The following DNMT3B variants were observed in gnomAD, a reference collection of about 807,000 sequenced individuals.
DNMT3B encodes DNA methyltransferase 3 beta, also known as DNA (cytosine-5)-methyltransferase 3B.
A neutral mutation model predicts 120.2 loss-of-function variants in DNMT3B; 37 were observed. That is an observed-to-expected ratio of 0.31 (90% CI 0.24 to 0.40). The LOEUF is 0.40. DNMT3B is among the 10% of genes least tolerant of loss of function. DNMT3B has a pLI of 1.00. For missense variants in DNMT3B, 878 were observed against 1,137.3 expected (o/e 0.77, Z 3.28); for synonymous variants, 412 against 442.8 (o/e 0.93, Z 0.87).
chr20:32,768,787 A>T (rs1987544399), intron 1 of DNMT3B, among the ~76,000 whole-genome samples: 1 of 152,098 alleles, frequency 6.6e-6, no homozygotes, highest in Non-Finnish European at 1.5e-5. Flanking sequence ...TGAAGACTTA[A>T]GTGTTCATTA....
chr20:32,806,443 G>A, intron 22 of DNMT3B, 116 bp downstream of exon 22: 2 of 965,934 alleles, frequency 2.1e-6, no homozygotes, highest in Admixed American at 3.7e-5. Flanking sequence ...GTGTTACTGG[G>A]GCGAGGAGTA....
chr20:32,802,481 G>T lies in DNMT3B; in HGVS notation c.2231+11G>T. 15 of 1,613,866 alleles carry T rather than the reference G, an allele frequency of 9.3e-6. No individual in the cohort carries two copies. Among genetic ancestry groups the T allele is most frequent in the Non-Finnish European group, 1.3e-5 (15 of 1,179,718 alleles). ...ACCCGGGATGAACAGGTAACAAAGG[G>T]CTCTTAGTGGGTCAGGTAACAGCCA... On this transcript the variant is annotated intron_variant, in intron 20 of 22. Transcript: ENST00000328111.
chr20:32,781,085 C>T (rs1229889964), intron 2 of DNMT3B, among the ~76,000 whole-genome samples: 3 of 152,246 alleles, frequency 2.0e-5, no homozygotes. Context: ...GGGCAGCACC[C>T]TGCTGGAAGG....
chr20:32,788,904 C>G lies in DNMT3B; in HGVS notation c.705C>G (p.Gly235=). ...ACCTCGTGTGGGGAAAGATCAAGGG[C>G]TTCTCCTGGTGGCCCGCCATGGTGG... ...IGDLVWGKIK[G]FSWWPAMVVS... is the part of the protein sequence containing the mutation. Residue 235 remains glycine, a synonymous_variant, in exon 7 of 23, where the codon GGC becomes GGG. Coordinates refer to ENST00000328111, the MANE Select transcript of DNMT3B (RefSeq NM_006892.4). The G allele has an allele frequency of 1.9e-6, 3 of 1,613,234 alleles. No homozygotes were observed. The highest frequency in any genetic ancestry group is 2.5e-6 in the Non-Finnish European group (3 of 1,179,792).
At chr20:32,778,641 T>C (rs1022000850) in intron 1 of DNMT3B, among the ~76,000 whole-genome samples, 1 of 152,198 alleles carries the variant, frequency 6.6e-6, no homozygotes, top group African/African-American at 2.4e-5. Flanking sequence ...CGGTGCCCCC[T>C]GGTGGGCGAT....
At chr20:32,765,904 G>T (rs939966663) in intron 1 of DNMT3B, among the ~76,000 whole-genome samples, 1 of 151,262 alleles carries the variant, frequency 6.6e-6, no homozygotes, top group Non-Finnish European at 1.5e-5. Flanking sequence ...TACAGGCGCC[G>T]GCCACCATGC....
intron 1 of DNMT3B, among the ~76,000 whole-genome samples, chr20:32,765,749 T>C (rs1568815828): frequency 3.1e-5 from 4 of 129,086 alleles, no homozygotes; most frequent in African/African-American, 7.5e-5. Flanking sequence ...ATTTATTTTT[T>C]CTTTTTTTCT....
intron 1 of DNMT3B, chr20:32,779,946 C>T: frequency 1.2e-6 from 1 of 824,720 alleles, no homozygotes; most frequent in Non-Finnish European, 2.0e-6. Context: ...GGGCCAGGGC[C>T]AGAGGGGACA....
At chr20:32,798,739 A>G in intron 15 of DNMT3B, 96 bp downstream of exon 15, 1 of 1,545,362 alleles carries the variant, frequency 6.5e-7, no homozygotes, top group Non-Finnish European at 8.8e-7. Context: ...AGAAGTAAAG[A>G]CACGTTGTAC....
At chr20:32,764,654 T>TG (rs1304290825) in intron 1 of DNMT3B, among the ~76,000 whole-genome samples, 1 of 152,116 alleles carries the variant, frequency 6.6e-6, no homozygotes, top group East Asian at 1.9e-4. Context: ...CGGCCACGCA[T>TG]GGGGGCCTAC....
Position 32,807,756 on chromosome 20 carries a change from C to T in DNMT3B, c.2421-6C>T. 1 of 1,613,998 alleles carries T rather than the reference C, an allele frequency of 6.2e-7. No homozygotes were observed. Among genetic ancestry groups the T allele is most frequent in the African/African-American group, 1.3e-5 (1 of 75,022 alleles). ...ACTTGCTGTCTTTTCACTCCGGTAC[C>T]CCCAGGATCTTTGGCTTTCCTGTGC... On this transcript the variant is annotated splice_polypyrimidine_tract_variant and splice_region_variant and intron_variant, in intron 22 of 22. Coordinates refer to ENST00000328111, the MANE Select transcript of DNMT3B (RefSeq NM_006892.4).
intron 5 of DNMT3B, 31 bp downstream of exon 5, chr20:32,786,658 C>T (rs776348561): frequency 7.4e-6 from 12 of 1,613,042 alleles, no homozygotes; most frequent in Admixed American, 6.7e-5. Context: ...GACCCCTGCC[C>T]GCAGTCTCTA....
intron 9 of DNMT3B, 85 bp from the exon 10 acceptor site, chr20:32,793,449 CAG>C: frequency 2.0e-6 from 3 of 1,465,456 alleles, no homozygotes; most frequent in African/African-American, 1.4e-5. Context: ...GCCTGGGTGA[CAG>C]AGCAAGACCT....
chr20:32,792,070 G>A (rs748751113), intron 8 of DNMT3B, among the ~76,000 whole-genome samples: 7 of 152,120 alleles, frequency 4.6e-5, no homozygotes, highest in East Asian at 1.9e-4. Flanking sequence ...TCTGTGGGCC[G>A]TCTTATCCCC....
At position 32,796,789 on chromosome 20, in the gene DNMT3B, G is replaced by A. The variant is rs1980670060; in HGVS notation, c.1298-1G>A. 6.2e-7 allele frequency: 1 copy of A among 1,614,084 alleles called. No individual in the cohort carries two copies. Among genetic ancestry groups the A allele is most frequent in the African/African-American group, 1.3e-5 (1 of 74,924 alleles). ...AAGCCACAACCCTGTTTTTCTTACAGATGGCTGTTTGTCTTGTGGCAGGAA... is the reference window on the plus strand; with the variant it reads ...AAGCCACAACCCTGTTTTTCTTACAAATGGCTGTTTGTCTTGTGGCAGGAA... On this transcript the variant is annotated splice_acceptor_variant, in intron 12 of 22. Coordinates refer to ENST00000328111, the MANE Select transcript of DNMT3B (RefSeq NM_006892.4). LOFTEE classifies it high-confidence loss of function.
At chr20:32,799,108 C>A (rs1981009911) in intron 15 of DNMT3B, 136 bp from the exon 16 acceptor site, 2 of 917,816 alleles carry the variant, frequency 2.2e-6, no homozygotes, top group African/African-American at 1.6e-5. Flanking sequence ...CAATCCCCAT[C>A]AAGCCTTCAG....
Position 32,779,977 on chromosome 20 carries a change from C to T in DNMT3B, c.-6-341C>T, listed in dbSNP as rs1227380729. 1.3e-5 allele frequency: 15 copies of T among 1,156,656 alleles called. No individual in the cohort carries two copies. The Admixed American group carries it at 1.4e-4, about 11-fold the overall frequency. 71.6% of individuals were successfully genotyped at this position (1,156,656 alleles called of 1,614,324 possible). A position where few individuals can be genotyped will look rare whatever the true frequency, so the allele number is the denominator to read the frequency against. ...GGACAGAGGCTGGCGGCAGACGGGCCGGGACAGGCAGGTCCTAAATGGCAT... is the reference window on the plus strand; with the variant it reads ...GGACAGAGGCTGGCGGCAGACGGGCTGGGACAGGCAGGTCCTAAATGGCAT... On this transcript the variant is annotated intron_variant, in intron 1 of 22. Transcript: ENST00000328111.
In DNMT3B at chr20:32,762,388, C is replaced by T. The variant is rs1226677913; in HGVS notation, c.-318C>T. ...GAGTCGGCACCGCCCCCTCCCCACCCACTCCCGCTGCCCCGTCCGGCCCGC... is the reference window on the plus strand; with the variant it reads ...GAGTCGGCACCGCCCCCTCCCCACCTACTCCCGCTGCCCCGTCCGGCCCGC... On this transcript the variant is annotated 5_prime_UTR_variant, in exon 1 of 23. Transcript: ENST00000328111. The T allele has an allele frequency of 6.5e-6, 1 of 152,996 alleles. No individual in the cohort carries two copies. Among genetic ancestry groups the T allele is most frequent in the Non-Finnish European group, 1.5e-5 (1 of 68,944 alleles). 9.5% of individuals were successfully genotyped at this position (152,996 alleles called of 1,614,324 possible).
chr20:32,798,517 C>A lies in DNMT3B; in HGVS notation c.1548C>A (p.Ala516=), dbSNP rs950595148. 6.2e-7 allele frequency: 1 copy of A among 1,614,092 alleles called. No homozygotes were observed. The highest frequency in any genetic ancestry group is 8.5e-7 in the Non-Finnish European group (1 of 1,180,038). Residue 516 remains alanine (A), a synonymous_variant, in exon 15 of 23, where the codon GCC becomes GCA. Coordinates refer to ENST00000328111, the MANE Select transcript of DNMT3B (RefSeq NM_006892.4). ...VLVGTGTAAE[A]KLQEPWSCYM... ...TGGGCACAGGCACAGCGGCCGAGGCCAAGCTTCAGGAGCCCTGGAGCTGTT... is the reference window on the plus strand; with the variant it reads ...TGGGCACAGGCACAGCGGCCGAGGCAAAGCTTCAGGAGCCCTGGAGCTGTT...
Sources: gnomAD v4.1 joint callset for allele counts (sites outside exome capture counted in the v4.1 genomes callset) on GRCh38, gnomAD v4.1.1 for gene constraint, MANE v1.5 for transcripts, NCBI Gene and HGNC (gene_info 2026-07-23, HGNC 2026-07-21) for gene names.